Variants in UGGT2 observed in about 807,000 individuals in gnomAD.
UGGT2 encodes UDP-glucose:glycoprotein glucosyltransferase 2.
Under a neutral mutation model 192.1 loss-of-function variants are expected in UGGT2, and 180 were observed. That is an observed-to-expected ratio of 0.94 (90% CI 0.83 to 1.06). The LOEUF (loss-of-function observed/expected upper bound fraction) is 1.06. Among genes scored for constraint, UGGT2 ranks in the 50% least tolerant of loss-of-function variants. The probability of loss-of-function intolerance (pLI) is 0.00; values close to 1 mark genes in which losing one functional copy is unlikely to be tolerated. For synonymous variants in UGGT2, 580 were observed against 591.0 expected, an observed-to-expected ratio of 0.98 and a Z score of 0.27; for missense variants, 1,849 against 1,795.7, an observed-to-expected ratio of 1.03 and a Z score of -0.54.
intron 20 of UGGT2, among the ~76,000 whole-genome samples, chr13:95,921,202 G>T (rs2048833837): frequency 6.6e-6 from 1 of 152,088 alleles, no homozygotes; most frequent in Non-Finnish European, 1.5e-5. Context: ...GGGGGTAGGG[G>T]GTGTGGGGAG....
rs142340920 is a variant in UGGT2, at chr13:95,940,618, G to C, written c.1678-527C>G. Reference sequence around the variant, plus strand: ...AGGAACTTGCCACCACACCTGGCTAGATTTTTTGGTATTTTTTGTAAAGAT... The same window carrying C: ...AGGAACTTGCCACCACACCTGGCTACATTTTTTGGTATTTTTTGTAAAGAT... On this transcript the variant is annotated intron_variant, in intron 15 of 38. Coordinates refer to ENST00000376747, the MANE Select transcript of UGGT2 (RefSeq NM_020121.4). Among the ~76,000 whole-genome samples the C allele has an allele frequency of 2.0e-5, 3 of 151,504 alleles. No individual in the cohort carries two copies. In the East Asian group the frequency reaches 5.8e-4, roughly 29 times the overall value.
chr13:95,809,625 G>A (rs1884481468), intron 38 of UGGT2: 2 of 234,754 alleles, frequency 8.5e-6, no homozygotes, highest in African/African-American at 2.4e-5. Flanking sequence ...GCAGCAGGGA[G>A]GGTGTGTGCC....
At chr13:95,994,588 A>G (rs1423148535) in intron 7 of UGGT2, among the ~76,000 whole-genome samples, 1 of 151,784 alleles carries the variant, frequency 6.6e-6, no homozygotes, top group African/African-American at 2.4e-5. Flanking sequence ...ATATTCCATG[A>G]ATTGTTAAAA....
intron 29 of UGGT2, among the ~76,000 whole-genome samples, chr13:95,873,808 G>A (rs1891429797): frequency 6.6e-6 from 1 of 152,196 alleles, no homozygotes; most frequent in Non-Finnish European, 1.5e-5. Flanking sequence ...TGGGTTCCCA[G>A]TGTCACCGCG....
intron 13 of UGGT2, 31 bp downstream of exon 13, chr13:95,949,304 T>C: frequency 6.9e-7 from 1 of 1,459,002 alleles, no homozygotes; most frequent in Non-Finnish European, 9.1e-7. Context: ...CTTTATAAGA[T>C]ATATATGTAT....
At position 95,819,474 on chromosome 13, in the gene UGGT2, T is replaced by TTA. The variant is rs531321238; in HGVS notation, c.4528+13451_4528+13452dup. 2.1e-3 allele frequency among the ~76,000 whole-genome samples: 323 copies of TTA among 151,378 alleles called. 3 individuals are homozygous for TTA. Among genetic ancestry groups the TTA allele is most frequent in the African/African-American group, 7.4e-3 (303 of 41,008 alleles). ...AAAAGCATAATGAATAAAATAGACC[T>TTA]TATATATACACACACACACATATAC... On this transcript the variant is annotated intron_variant, in intron 38 of 38. Coordinates refer to ENST00000376747, the MANE Select transcript of UGGT2 (RefSeq NM_020121.4).
intron 31 of UGGT2, among the ~76,000 whole-genome samples, chr13:95,862,470 A>G (rs1435271226): frequency 6.6e-6 from 1 of 152,146 alleles, no homozygotes; most frequent in Non-Finnish European, 1.5e-5. Flanking sequence ...TTCCCCTTCT[A>G]GTAACAACCT....
rs781117685 is a variant in UGGT2, at chr13:95,927,199, T to C, written c.2101+14A>G. On this transcript the variant is annotated intron_variant, in intron 18 of 38. Transcript: ENST00000376747. ...CTCAATAAACATTTGTAGAACAGTATAGGATTATTTTACCTGATGTAGATA... is the reference window on the plus strand; with the variant it reads ...CTCAATAAACATTTGTAGAACAGTACAGGATTATTTTACCTGATGTAGATA... The C allele has an allele frequency of 4.3e-6, 7 of 1,611,190 alleles. No homozygotes were observed. The Admixed American group carries it at 5.0e-5, about 12-fold the overall frequency.
intron 12 of UGGT2, among the ~76,000 whole-genome samples, chr13:95,968,646 C>T (rs1242841949): frequency 2.6e-5 from 4 of 152,092 alleles, no homozygotes; most frequent in Non-Finnish European, 2.9e-5. Context: ...CCCTCTGCTG[C>T]GAATTAAAGC....
At chr13:95,928,270 TG>T (rs1295592294) in intron 17 of UGGT2, among the ~76,000 whole-genome samples, 1 of 147,730 alleles carries the variant, frequency 6.8e-6, no homozygotes, top group East Asian at 2.0e-4. Flanking sequence ...CCCTACCTCC[TG>T]GACGGGGCGG....
intron 1 of UGGT2, among the ~76,000 whole-genome samples, chr13:96,038,198 T>G (rs1429865285): frequency 6.6e-6 from 1 of 152,210 alleles, no homozygotes; most frequent in African/African-American, 2.4e-5. Flanking sequence ...AAAAGTACCT[T>G]TTGTTGAATT....
chr13:95,882,969 T>A (rs1200338761), intron 27 of UGGT2, among the ~76,000 whole-genome samples: 3 of 152,220 alleles, frequency 2.0e-5, no homozygotes, highest in African/African-American at 7.2e-5. Flanking sequence ...ACAGCGATTT[T>A]TTTTTTCACT....
At chr13:95,998,494 T>A in intron 6 of UGGT2, among the ~76,000 whole-genome samples, 1 of 152,126 alleles carries the variant, frequency 6.6e-6, no homozygotes, top group East Asian at 1.9e-4. Context: ...AGGGCCTCTA[T>A]ATGAAAAAAC....
intron 5 of UGGT2, among the ~76,000 whole-genome samples, chr13:96,012,731 T>C (rs2052201649): frequency 8.6e-6 from 1 of 116,182 alleles, no homozygotes; most frequent in Non-Finnish European, 1.8e-5. Context: ...ATGGCCATTA[T>C]ATTCATACGC....
intron 15 of UGGT2, among the ~76,000 whole-genome samples, chr13:95,943,958 T>A (rs1280700427): frequency 1.4e-4 from 22 of 152,076 alleles, no homozygotes; most frequent in Admixed American, 1.4e-3. Flanking sequence ...TGTTTCTTTA[T>A]GAGTTTTTTA....
chr13:96,044,159 C>T (rs1049098098), intron 1 of UGGT2, among the ~76,000 whole-genome samples: 1 of 152,140 alleles, frequency 6.6e-6, no homozygotes, highest in African/African-American at 2.4e-5. Flanking sequence ...GACATTATAT[C>T]AAACACTCTC....
intron 36 of UGGT2, among the ~76,000 whole-genome samples, chr13:95,850,269 T>G (rs1014972212): frequency 2.0e-5 from 3 of 152,130 alleles, no homozygotes; most frequent in Non-Finnish European, 2.9e-5. Context: ...TAGTCTATAG[T>G]TGGAGTATAT....
intron 38 of UGGT2, among the ~76,000 whole-genome samples, chr13:95,804,395 G>A (rs985073322): frequency 6.6e-6 from 1 of 152,120 alleles, no homozygotes; most frequent in African/African-American, 2.4e-5. Context: ...GCAATCTACA[G>A]ATTCAGATTC....
intron 34 of UGGT2, 141 bp downstream of exon 34, chr13:95,856,017 T>C (rs1889574220): frequency 3.1e-6 from 2 of 640,442 alleles, no homozygotes; most frequent in Non-Finnish European, 4.8e-6. Flanking sequence ...TTTTTAAAGA[T>C]ACTTTGCTTA....
Sources: allele counts gnomAD v4.1 joint callset (sites outside exome capture counted in the v4.1 genomes callset), GRCh38; gene constraint gnomAD v4.1.1; transcripts MANE v1.5; gene names NCBI Gene and HGNC (gene_info 2026-07-23, HGNC 2026-07-21).